MAML2: variants seen among roughly 807,000 people sequenced by gnomAD.
The protein encoded by MAML2 is mastermind-like protein 2.
MAML2 carries 22 observed loss-of-function variants against 96.1 expected under a neutral mutation model. The ratio of observed to expected loss-of-function variants is 0.23; its 90% CI spans 0.16 to 0.33. The LOEUF is 0.33. Ranked by LOEUF, MAML2 falls within the 10% of genes least tolerant of loss-of-function variation. The pLI is 1.00. For synonymous variants in MAML2, 561 were observed against 521.3 expected, an observed-to-expected ratio of 1.08 and a Z score of -1.04; for missense variants, 1,367 against 1,392.4, an observed-to-expected ratio of 0.98 and a Z score of 0.29.
At chr11:96,153,161 ATT>A (rs71459787) in intron 1 of MAML2, among the ~76,000 whole-genome samples, 31 of 142,180 alleles carry the variant, frequency 2.2e-4, no homozygotes, top group Admixed American at 2.8e-4. Context: ...TGTTTTTAGA[ATT>A]TTTTTTTTTT....
At chr11:96,025,843 AAGCCACCGCGCCC>A (rs151202201) in intron 2 of MAML2, among the ~76,000 whole-genome samples, 2,955 of 152,238 alleles carry the variant, frequency 0.019, 94 homozygotes, top group African/African-American at 0.068. Context: ...TTACAGGTAT[AAGCCACCGCGCCC>A]AGCCAAAAGT....
At position 96,134,219 on chromosome 11, in the gene MAML2, C is replaced by A. The variant is rs915836859; in HGVS notation, c.514-40702G>T. Among the ~76,000 whole-genome samples the A allele has an allele frequency of 2.6e-5, 4 of 152,220 alleles. No individual in the cohort carries two copies. The South Asian group carries it at 8.3e-4, about 32-fold the overall frequency. ...AGGACTCTATTTTTTCCTTTAAAGT[C>A]CTTATTACAAAATAAATACAAACTA... On this transcript the variant is annotated intron_variant, in intron 1 of 4. Transcript: ENST00000524717.
chr11:96,255,981 C>G (rs563183923), intron 1 of MAML2, among the ~76,000 whole-genome samples: 13 of 148,178 alleles, frequency 8.8e-5, no homozygotes, highest in African/African-American at 3.3e-4. Context: ...TCAAGCGATT[C>G]TCCTCCCTCA....
At chr11:96,102,995 G>A (rs1314067965) in intron 1 of MAML2, among the ~76,000 whole-genome samples, 1 of 152,172 alleles carries the variant, frequency 6.6e-6, no homozygotes, top group Non-Finnish European at 1.5e-5. Flanking sequence ...GATGCATTAA[G>A]TATCATTAAT....
rs765049727 is a variant in MAML2, at chr11:96,203,717, C to T, written c.514-110200G>A. ...GCAAAATACATATATGGTGTAGAAA[C>T]GGAAATGAATCTGTAACATACTTTG... On this transcript the variant is annotated intron_variant, in intron 1 of 4. Coordinates refer to ENST00000524717, the MANE Select transcript of MAML2 (RefSeq NM_032427.4). 1.3e-4 allele frequency among the ~76,000 whole-genome samples: 20 copies of T among 151,988 alleles called. No individual in the cohort carries two copies. The East Asian group carries it at 2.9e-3, about 22-fold the overall frequency.
chr11:96,255,796 A>G (rs1294355459), intron 1 of MAML2, among the ~76,000 whole-genome samples: 1 of 150,050 alleles, frequency 6.7e-6, no homozygotes, highest in African/African-American at 2.5e-5. Context: ...CATGCCCTGT[A>G]TCAGCCCTGG....
At chr11:96,112,719 G>A (rs58552152) in intron 1 of MAML2, among the ~76,000 whole-genome samples, 2,219 of 152,334 alleles carry the variant, frequency 0.015, 49 homozygotes, top group African/African-American at 0.05. Context: ...TGATATCTAT[G>A]CATTAGCCAT....
intron 2 of MAML2, among the ~76,000 whole-genome samples, chr11:96,042,141 T>C (rs1858823803): frequency 6.6e-6 from 1 of 152,162 alleles, no homozygotes; most frequent in African/African-American, 2.4e-5. Context: ...CATGCCTGGC[T>C]AATTTTTTGT....
chr11:96,016,339 T>G (rs1316631414), intron 2 of MAML2, among the ~76,000 whole-genome samples: 3 of 152,042 alleles, frequency 2.0e-5, no homozygotes, highest in African/African-American at 7.2e-5. Context: ...AGAGAAAGAC[T>G]AGAAGATGAA....
intron 1 of MAML2, among the ~76,000 whole-genome samples, chr11:96,109,396 TCTAA>T (rs1224930383): frequency 6.6e-6 from 1 of 152,190 alleles, no homozygotes; most frequent in African/African-American, 2.4e-5. Context: ...GAAAAATAAC[TCTAA>T]CTACCAAATA....
rs149892784 is a variant in MAML2, at chr11:96,192,206, A to C, written c.514-98689T>G. Among the ~76,000 whole-genome samples the C allele has an allele frequency of 1.9e-4, 29 of 152,242 alleles. No homozygotes were observed. The East Asian group carries it at 5.4e-3, about 28-fold the overall frequency. ...AGGGCTGGGAACCTGGGGCACTAAA[A>C]CATGGTGGGTTGGATGGGCAGTTAG... On this transcript the variant is annotated intron_variant, in intron 1 of 4. Transcript: ENST00000524717.
chr11:96,109,560 A>G (rs1269617138), intron 1 of MAML2, among the ~76,000 whole-genome samples: 1 of 152,182 alleles, frequency 6.6e-6, no homozygotes, highest in Non-Finnish European at 1.5e-5. Context: ...CAGAAACCAA[A>G]CAAAGTTTAT....
intron 1 of MAML2, among the ~76,000 whole-genome samples, chr11:96,275,265 A>C (rs1010384460): frequency 2.0e-5 from 3 of 147,714 alleles, no homozygotes; most frequent in African/African-American, 7.6e-5. Flanking sequence ...CCAAACACTA[A>C]GGAATTTTTT....
intron 1 of MAML2, among the ~76,000 whole-genome samples, chr11:96,218,008 C>A (rs148319314): frequency 6.6e-6 from 1 of 152,334 alleles, no homozygotes; most frequent in South Asian, 2.1e-4. Context: ...ACCTTTCATG[C>A]TTTGCATTCT....
chr11:96,340,956 G>C (rs1315268834), intron 1 of MAML2, among the ~76,000 whole-genome samples: 3 of 152,132 alleles, frequency 2.0e-5, no homozygotes, highest in Non-Finnish European at 1.5e-5. Context: ...GGAGAAAAAG[G>C]CTTTAATAAA....
At chr11:96,326,272 C>T (rs1211985898) in intron 1 of MAML2, among the ~76,000 whole-genome samples, 1 of 151,834 alleles carries the variant, frequency 6.6e-6, no homozygotes, top group African/African-American at 2.4e-5. Context: ...AGAATTTAAA[C>T]CTGGGAAGAA....
At chr11:96,276,514 C>T (rs768971649) in intron 1 of MAML2, among the ~76,000 whole-genome samples, 11 of 152,158 alleles carry the variant, frequency 7.2e-5, no homozygotes, top group Non-Finnish European at 1.5e-4. Flanking sequence ...AGAGCACCCT[C>T]AAAAGCTGAG....
At chr11:96,188,226 C>T (rs1045965321) in intron 1 of MAML2, among the ~76,000 whole-genome samples, 2 of 152,192 alleles carry the variant, frequency 1.3e-5, no homozygotes, top group Non-Finnish European at 2.9e-5. Flanking sequence ...TTTTCTTAAG[C>T]TTTCCCAAGT....
chr11:96,025,369 A>G (rs896930576), intron 2 of MAML2, among the ~76,000 whole-genome samples: 2 of 152,032 alleles, frequency 1.3e-5, no homozygotes, highest in Non-Finnish European at 2.9e-5. Context: ...GGACATAAAG[A>G]TGGGAACGAC....
Sources: allele counts gnomAD v4.1 joint callset (sites outside exome capture counted in the v4.1 genomes callset), GRCh38; gene constraint gnomAD v4.1.1; transcripts MANE v1.5; gene names NCBI Gene and HGNC (gene_info 2026-07-23, HGNC 2026-07-21).